Variants in CNBD1 observed in about 807,000 individuals in gnomAD.
The protein encoded by CNBD1 is cyclic nucleotide-binding domain-containing protein 1.
A neutral mutation model predicts 54.4 loss-of-function variants in CNBD1; 71 were observed. The ratio of observed to expected loss-of-function variants is 1.30; its 90% CI spans 1.08 to 1.59. The LOEUF (loss-of-function observed/expected upper bound fraction) is 1.59. Ranked by LOEUF, CNBD1 falls within the 40% of genes most tolerant of loss-of-function variation. The probability of loss-of-function intolerance (pLI) is 0.00; values close to 1 mark genes in which losing one functional copy is unlikely to be tolerated. For missense variants in CNBD1, 659 were observed against 518.0 expected (o/e 1.27, Z -2.64); for synonymous variants, 182 against 170.7 (o/e 1.07, Z -0.51).
intron 8 of CNBD1, among the ~76,000 whole-genome samples, chr8:87,347,510 G>A (rs1410961039): frequency 2.0e-5 from 3 of 149,902 alleles, no homozygotes; most frequent in Non-Finnish European, 4.4e-5. Flanking sequence ...ATAAGTATAA[G>A]CAATAAACAA....
intron 4 of CNBD1, among the ~76,000 whole-genome samples, chr8:87,056,021 G>A (rs1810410952): frequency 6.6e-6 from 1 of 151,602 alleles, no homozygotes; most frequent in Admixed American, 6.6e-5. Context: ...CACTTACTAT[G>A]AGCCAGGAAC....
chr8:87,394,731 AT>A (rs1039997382), intron 2 of CNBD1, among the ~76,000 whole-genome samples: 1 of 151,882 alleles, frequency 6.6e-6, no homozygotes, highest in Non-Finnish European at 1.5e-5. Context: ...ACTCTTCTTT[AT>A]TTTTTAACAA....
At chr8:87,347,158 CT>C (rs2130924480) in intron 8 of CNBD1, among the ~76,000 whole-genome samples, 1 of 152,252 alleles carries the variant, frequency 6.6e-6, no homozygotes, top group African/African-American at 2.4e-5. Context: ...TGTACACTTT[CT>C]TTTTATTAAT....
chr8:86,983,189 A>T (rs529659385), intron 4 of CNBD1, among the ~76,000 whole-genome samples: 1 of 152,246 alleles, frequency 6.6e-6, no homozygotes, highest in South Asian at 2.1e-4. Flanking sequence ...CATGATAGTG[A>T]ATAAGTCTCA....
chr8:87,121,193 G>C (rs1406705408), intron 4 of CNBD1, among the ~76,000 whole-genome samples: 1 of 151,620 alleles, frequency 6.6e-6, no homozygotes, highest in African/African-American at 2.4e-5. Context: ...AACTTGAAAG[G>C]CTAAATATTA....
At chr8:87,314,169 ATTAT>A (rs1401424034) in intron 8 of CNBD1, among the ~76,000 whole-genome samples, 7 of 151,972 alleles carry the variant, frequency 4.6e-5, no homozygotes, top group Non-Finnish European at 7.4e-5. Flanking sequence ...ATAAAAAAAG[ATTAT>A]TTATGGATCT....
chr8:87,245,880 T>C (rs1807793536), intron 6 of CNBD1, among the ~76,000 whole-genome samples: 1 of 152,042 alleles, frequency 6.6e-6, no homozygotes, highest in Admixed American at 6.6e-5. Flanking sequence ...TTTTTCTTTA[T>C]TGATGTTTGC....
chr8:86,996,697 T>C (rs1808878200), intron 4 of CNBD1, among the ~76,000 whole-genome samples: 1 of 152,242 alleles, frequency 6.6e-6, no homozygotes, highest in Admixed American at 6.5e-5. Context: ...GTCACAAAGT[T>C]GGTACAATGA....
intron 10 of CNBD1, among the ~76,000 whole-genome samples, chr8:87,361,020 T>A (rs1190720462): frequency 6.6e-6 from 1 of 151,922 alleles, no homozygotes; most frequent in Non-Finnish European, 1.5e-5. Context: ...GCCAAGATTA[T>A]CCTTGTTAAA....
At chr8:87,030,242 A>G (rs1255907839) in intron 4 of CNBD1, among the ~76,000 whole-genome samples, 1 of 152,250 alleles carries the variant, frequency 6.6e-6, no homozygotes, top group Admixed American at 6.5e-5. Flanking sequence ...TGAATGAGAT[A>G]TAAAATACCC....
chr8:86,976,185 ACCTTT>A, intron 4 of CNBD1, among the ~76,000 whole-genome samples: 1 of 66,046 alleles, frequency 1.5e-5, no homozygotes, highest in Non-Finnish European at 2.7e-5. Flanking sequence ...TTGTGCATTG[ACCTTT>A]TTTTTTTTTT....
rs528963201 is a variant in CNBD1 at position 87,154,192 on chromosome 8, T to C, written c.432-51801T>C. Among the ~76,000 whole-genome samples the C allele has an allele frequency of 2.7e-3, 417 of 152,230 alleles. 1 individual carries two copies. Among genetic ancestry groups the C allele is most frequent in the African/African-American group, 9.7e-3 (403 of 41,532 alleles). On this transcript the variant is annotated intron_variant, in intron 4 of 10. Transcript: ENST00000518476. ...AAGAACGATTTTTTAACCTATCGCA[T>C]CTCCAATTTGGTGTAATAGAAAGTG...
chr8:87,279,728 A>G (rs1585979640), intron 6 of CNBD1, among the ~76,000 whole-genome samples: 1 of 151,154 alleles, frequency 6.6e-6, no homozygotes, highest in Non-Finnish European at 1.5e-5. Context: ...ATTTTTATAT[A>G]TATGTATAAA....
chr8:87,169,722 G>A (rs1172937316), intron 4 of CNBD1, among the ~76,000 whole-genome samples: 1 of 151,972 alleles, frequency 6.6e-6, no homozygotes, highest in East Asian at 1.9e-4. Context: ...TACTGTAGAT[G>A]TGTGGATTTC....
At chr8:87,326,958 A>G (rs1269170416) in intron 8 of CNBD1, among the ~76,000 whole-genome samples, 2 of 131,552 alleles carry the variant, frequency 1.5e-5, no homozygotes, top group African/African-American at 5.7e-5. Context: ...GTCTTTGATG[A>G]TGGTGATGTA....
intron 4 of CNBD1, among the ~76,000 whole-genome samples, chr8:87,108,383 G>A (rs1317526054): frequency 6.6e-6 from 1 of 152,128 alleles, no homozygotes; most frequent in African/African-American, 2.4e-5. Flanking sequence ...ATTCATTCCA[G>A]CAGTCAGTAG....
chr8:87,352,692 A>C (rs1014258622), intron 9 of CNBD1, among the ~76,000 whole-genome samples: 2 of 152,150 alleles, frequency 1.3e-5, no homozygotes, highest in African/African-American at 4.8e-5. Flanking sequence ...GTTCTATATA[A>C]TTCCATTTTT....
Position 87,065,780 on chromosome 8 carries a change from C to T in CNBD1, c.431+126026C>T, listed in dbSNP as rs574891912. On this transcript the variant is annotated intron_variant, in intron 4 of 10. Transcript: ENST00000518476. ...TGAAGTTGTCCTCCCAATTTTCTACCAGCCTTAGGAGAAAACTGGGACTTG... is the reference window on the plus strand; with the variant it reads ...TGAAGTTGTCCTCCCAATTTTCTACTAGCCTTAGGAGAAAACTGGGACTTG... 2.0e-5 allele frequency among the ~76,000 whole-genome samples: 3 copies of T among 151,978 alleles called. No homozygotes were observed. In the East Asian group the frequency reaches 5.8e-4, roughly 29 times the overall value.
At chr8:87,158,405 C>A (rs1812788842) in intron 4 of CNBD1, among the ~76,000 whole-genome samples, 1 of 152,152 alleles carries the variant, frequency 6.6e-6, no homozygotes, top group African/African-American at 2.4e-5. Flanking sequence ...AAATTACTAT[C>A]AGCATGCAGT....
Sources: allele counts gnomAD v4.1 joint callset (sites outside exome capture counted in the v4.1 genomes callset), GRCh38; gene constraint gnomAD v4.1.1; transcripts MANE v1.5; gene names NCBI Gene and HGNC (gene_info 2026-07-23, HGNC 2026-07-21).